The following CTNNB1 variants were observed in gnomAD, a reference collection of about 807,000 sequenced individuals.
CTNNB1 encodes catenin beta 1.
CTNNB1 carries 6 observed loss-of-function variants against 82.5 expected under a neutral mutation model. The observed-to-expected ratio is 0.07, with a 90% CI of 0.04 to 0.14. The LOEUF is 0.14. CTNNB1 is among the 10% of genes least tolerant of loss of function. The pLI is 1.00. For synonymous variants in CTNNB1, 312 were observed against 329.7 expected (o/e 0.95, Z 0.58); for missense variants, 529 against 980.4 (o/e 0.54, Z 6.15).
chr3:41,216,391 A>G (rs1342369919), intron 1 of CTNNB1, among the ~76,000 whole-genome samples: 2 of 152,266 alleles, frequency 1.3e-5, no homozygotes. Flanking sequence ...GATTCTTAGA[A>G]TACTGTCACT....
intron 1 of CTNNB1, among the ~76,000 whole-genome samples, chr3:41,214,024 G>GTT (rs1395133378): frequency 6.6e-6 from 1 of 152,176 alleles, no homozygotes; most frequent in Non-Finnish European, 1.5e-5. Flanking sequence ...GGTTTCAAAA[G>GTT]TTTAAGAATC....
intron 7 of CTNNB1, among the ~76,000 whole-genome samples, chr3:41,232,710 C>A (rs1178088039): frequency 2.0e-5 from 3 of 151,882 alleles, no homozygotes; most frequent in Non-Finnish European, 2.9e-5. Context: ...GTATAAAGTC[C>A]CTGACAGTAA....
intron 10 of CTNNB1, chr3:41,235,459 C>A: frequency 1.9e-6 from 1 of 516,036 alleles, no homozygotes; most frequent in East Asian, 3.5e-5. Flanking sequence ...GGTGCCCTTA[C>A]TGTAGGAAAG....
At chr3:41,230,084 C>T (rs1205796371) in intron 7 of CTNNB1, among the ~76,000 whole-genome samples, 2 of 152,158 alleles carry the variant, frequency 1.3e-5, no homozygotes, top group African/African-American at 4.8e-5. Context: ...GCAACACTTA[C>T]TTTTCTCACT....
chr3:41,231,718 T>G (rs972027672), intron 7 of CTNNB1, among the ~76,000 whole-genome samples: 1 of 152,108 alleles, frequency 6.6e-6, no homozygotes, highest in African/African-American at 2.4e-5. Flanking sequence ...TTGTATAGAT[T>G]AACAGTTTGA....
intron 1 of CTNNB1, chr3:41,220,614 A>G (rs1196188427): frequency 6.6e-6 from 1 of 152,170 alleles, no homozygotes. Context: ...TAGATTTACA[A>G]ATTTTACTAA....
intron 1 of CTNNB1, among the ~76,000 whole-genome samples, chr3:41,200,732 T>A (rs1261686050): frequency 6.6e-6 from 1 of 152,246 alleles, no homozygotes; most frequent in East Asian, 1.9e-4. Context: ...CCGAGACTTT[T>A]CGAAGTTAAG....
At chr3:41,207,769 T>TG (rs1160276661) in intron 1 of CTNNB1, among the ~76,000 whole-genome samples, 3 of 152,192 alleles carry the variant, frequency 2.0e-5, no homozygotes, top group African/African-American at 7.2e-5. Flanking sequence ...TTCTCAATCT[T>TG]GTGAATGTTC....
rs554763472 is a variant in CTNNB1 at position 41,218,931 on chromosome 3, C to T, written c.-48-5090C>T. 4.6e-5 allele frequency among the ~76,000 whole-genome samples: 7 copies of T among 152,212 alleles called. No homozygotes were observed. In the South Asian group the frequency reaches 6.2e-4, roughly 14 times the overall value. On this transcript the variant is annotated intron_variant, in intron 1 of 14. Coordinates refer to ENST00000349496, the MANE Select transcript of CTNNB1 (RefSeq NM_001904.4). ...CCCCAGGCCTCCTGTATTGATAGCC[C>T]GCTATTAAGAAGCTAGTGTATATTC... is the stretch of plus-strand genomic sequence containing the variant.
chr3:41,224,500 A>G (rs764720960), intron 2 of CTNNB1, 26 bp from the exon 3 acceptor site: 1 of 1,571,582 alleles, frequency 6.4e-7, no homozygotes, highest in Non-Finnish European at 8.8e-7. Context: ...CAATCTACTA[A>G]TGCTAATACT....
chr3:41,237,459 A>AAAAAAAAAAAAAAAAAAAAC (rs2078464040), intron 13 of CTNNB1: 1 of 152,660 alleles, frequency 6.6e-6, no homozygotes, highest in African/African-American at 2.4e-5. Flanking sequence ...AAAAAAAAAA[A>AAAAAAAAAAAAAAAAAAAAC]AAAAAAAAGC....
At chr3:41,209,730 C>T (rs1314838262) in intron 1 of CTNNB1, among the ~76,000 whole-genome samples, 2 of 152,048 alleles carry the variant, frequency 1.3e-5, no homozygotes, top group Non-Finnish European at 2.9e-5. Context: ...TTTATCTAAA[C>T]GTATTGAAAC....
rs2125646374 is a variant in CTNNB1, at chr3:41,236,505, T to G, written c.1954+6T>G. ...CTCTAGGAATGAAGGTGTGGGTAAG[T>G]AAAAAGGAACCAAAGCCTTTAGCAG... is the stretch of plus-strand genomic sequence containing the variant. On this transcript the variant is annotated splice_donor_region_variant and intron_variant, in intron 12 of 14. Coordinates refer to ENST00000349496, the MANE Select transcript of CTNNB1 (RefSeq NM_001904.4). 1 of 1,614,222 alleles carries G rather than the reference T, an allele frequency of 6.2e-7. No individual in the cohort carries two copies. Among genetic ancestry groups the G allele is most frequent in the Non-Finnish European group, 8.5e-7 (1 of 1,180,034 alleles).
chr3:41,236,496 G>A lies in CTNNB1; in HGVS notation c.1951G>A (p.Val651Met), dbSNP rs2125646337. 1 of 1,614,224 alleles carries A rather than the reference G, an allele frequency of 6.2e-7. No individual in the cohort carries two copies. Among genetic ancestry groups the A allele is most frequent in the Non-Finnish European group, 8.5e-7 (1 of 1,180,036 alleles). ...TELLHSRNEG[V>M]ATYAAAVLFR... ...GTTACTTCACTCTAGGAATGAAGGTGTGGGTAAGTAAAAAGGAACCAAAGC... is the reference window on the plus strand; with the variant it reads ...GTTACTTCACTCTAGGAATGAAGGTATGGGTAAGTAAAAAGGAACCAAAGC... The change falls in exon 12 of 15, where the codon GTG (valine) becomes ATG (methionine). Residue 651 changes from valine to methionine, a missense_variant. Val to Met is a conservative substitution (Grantham distance 21). Coordinates refer to ENST00000349496, the MANE Select transcript of CTNNB1 (RefSeq NM_001904.4).
At position 41,225,050 on chromosome 3, in the gene CTNNB1, A is replaced by C; in HGVS notation, c.338A>C (p.Gln113Pro). The change falls in exon 4 of 15, where the codon CAG becomes CCG. Residue 113 changes from glutamine to proline, a missense_variant. By Grantham distance (76) the Gln-to-Pro change is moderately conservative. Around this residue, in one of 4 missense-constraint regions of CTNNB1, gnomAD observed 411 missense variants for 776.4 expected, o/e 0.53. Coordinates refer to ENST00000349496, the MANE Select transcript of CTNNB1 (RefSeq NM_001904.4). The surrounding 1 kb of genome is among the most constrained non-coding windows in gnomAD (Gnocchi z 5.3). ...LDEGMQIPSTQFDAAHPTNVQ... is the reference protein window; with the variant it reads ...LDEGMQIPSTPFDAAHPTNVQ... ...GAGGGCATGCAGATCCCATCTACAC[A>C]GTTTGATGCTGCTCATCCCACTAAT... 6.2e-7 allele frequency: 1 copy of C among 1,614,104 alleles called. No homozygotes were observed. Among genetic ancestry groups the C allele is most frequent in the South Asian group, 1.1e-5 (1 of 91,084 alleles).
chr3:41,209,320 T>C (rs569621248), intron 1 of CTNNB1, among the ~76,000 whole-genome samples: 4 of 152,304 alleles, frequency 2.6e-5, no homozygotes, highest in African/African-American at 7.2e-5. Flanking sequence ...TATCCAGCTA[T>C]TTTTTGGTCA....
At chr3:41,234,391 C>A in intron 10 of CTNNB1, 94 bp downstream of exon 10, 2 of 1,249,336 alleles carry the variant, frequency 1.6e-6, no homozygotes, top group Non-Finnish European at 2.3e-6. Flanking sequence ...TGGTTCCCCC[C>A]ATCCGTCTTC....
intron 1 of CTNNB1, among the ~76,000 whole-genome samples, chr3:41,216,325 A>T (rs1473558493): frequency 6.6e-6 from 1 of 152,222 alleles, no homozygotes; most frequent in African/African-American, 2.4e-5. Flanking sequence ...TTATGCTGTA[A>T]AAGATATAAA....
chr3:41,236,052 G>A (rs892909542), intron 11 of CTNNB1: 12 of 714,832 alleles, frequency 1.7e-5, no homozygotes, highest in African/African-American at 7.1e-5. Context: ...GGTGCCTAGA[G>A]GGGAGAGCTG....
Sources: gnomAD v4.1 joint callset for allele counts (sites outside exome capture counted in the v4.1 genomes callset) on GRCh38, gnomAD v4.1.1 for gene constraint, gnomAD v4.1.1 regional missense constraint, Gnocchi (gnomAD v3.1) non-coding constraint, MANE v1.5 for transcripts, NCBI Gene and HGNC (gene_info 2026-07-23, HGNC 2026-07-21) for gene names.